Variants in FNDC3A observed in about 807,000 individuals in gnomAD.
FNDC3A encodes fibronectin type III domain containing 3A.
A neutral mutation model predicts 148.9 loss-of-function variants in FNDC3A; 32 were observed. The observed-to-expected ratio is 0.21, with a 90% CI of 0.16 to 0.29. FNDC3A has a LOEUF of 0.29. Among genes scored for constraint, FNDC3A ranks in the 10% least tolerant of loss-of-function variants. The pLI is 1.00. For synonymous variants in FNDC3A, 472 were observed against 473.6 expected (o/e 1.00, Z 0.04); for missense variants, 1,191 against 1,452.8 (o/e 0.82, Z 2.93).
At chr13:49,041,132 G>A (rs1874892545) in intron 2 of FNDC3A, among the ~76,000 whole-genome samples, 1 of 152,182 alleles carries the variant, frequency 6.6e-6, no homozygotes, top group Non-Finnish European at 1.5e-5. Context: ...CTGTGAGTGG[G>A]CGTAGCATTT....
intron 4 of FNDC3A, 69 bp from the exon 5 acceptor site, chr13:49,131,068 C>T: frequency 3.8e-6 from 5 of 1,304,934 alleles, no homozygotes; most frequent in South Asian, 3.7e-5. Flanking sequence ...GCCTACCCTA[C>T]TCTTAACATT....
At chr13:49,007,728 T>A (rs1386858992) in intron 2 of FNDC3A, among the ~76,000 whole-genome samples, 2 of 152,022 alleles carry the variant, frequency 1.3e-5, no homozygotes, top group Non-Finnish European at 2.9e-5. Flanking sequence ...ATGGTGTAGA[T>A]GGCTATAGAG....
At chr13:49,165,984 G>A (rs893080934) in intron 8 of FNDC3A, among the ~76,000 whole-genome samples, 3 of 152,090 alleles carry the variant, frequency 2.0e-5, no homozygotes, top group Admixed American at 6.6e-5. Flanking sequence ...AGGCCTCCCA[G>A]ACAGTGTGCT....
chr13:49,151,656 A>G (rs1883305460), intron 8 of FNDC3A, among the ~76,000 whole-genome samples: 1 of 152,116 alleles, frequency 6.6e-6, no homozygotes, highest in Admixed American at 6.5e-5. Context: ...TACATGTGCC[A>G]TGTTGGTGTG....
chr13:48,984,827 G>T (rs1951758805), intron 1 of FNDC3A, among the ~76,000 whole-genome samples: 1 of 152,080 alleles, frequency 6.6e-6, no homozygotes. Flanking sequence ...TGGGATTACA[G>T]GTGCCCACCA....
intron 3 of FNDC3A, among the ~76,000 whole-genome samples, chr13:49,104,966 C>A (rs989999318): frequency 6.6e-6 from 1 of 152,228 alleles, no homozygotes; most frequent in Non-Finnish European, 1.5e-5. Context: ...CAATTAAGAA[C>A]TTTGGTACAT....
chr13:48,980,796 G>T (rs1332469873), intron 1 of FNDC3A, among the ~76,000 whole-genome samples: 1 of 152,110 alleles, frequency 6.6e-6, no homozygotes, highest in African/African-American at 2.4e-5. Flanking sequence ...ATTTTTTGTG[G>T]CATCAAGAGA....
intron 13 of FNDC3A, among the ~76,000 whole-genome samples, chr13:49,178,082 T>G (rs116328531): frequency 8.5e-4 from 130 of 152,298 alleles, no homozygotes; most frequent in African/African-American, 3.0e-3. Context: ...TTGTCACTAG[T>G]GCTGGAAATA....
At chr13:49,016,501 T>C (rs1391804208) in intron 2 of FNDC3A, among the ~76,000 whole-genome samples, 1 of 152,204 alleles carries the variant, frequency 6.6e-6, no homozygotes, top group African/African-American at 2.4e-5. Context: ...TTTTTTTCTT[T>C]ATTAGTCTTG....
At chr13:48,982,914 T>C (rs1377945975) in intron 1 of FNDC3A, among the ~76,000 whole-genome samples, 1 of 152,188 alleles carries the variant, frequency 6.6e-6, no homozygotes, top group African/African-American at 2.4e-5. Flanking sequence ...TAATATAGAC[T>C]GTACAAGAAT....
chr13:49,075,563 G>A (rs891442770), intron 3 of FNDC3A, among the ~76,000 whole-genome samples, 199 bp downstream of exon 3: 2 of 152,034 alleles, frequency 1.3e-5, no homozygotes, highest in Non-Finnish European at 2.9e-5. Context: ...TGATTATGTT[G>A]ATTATTCTTG....
At chr13:49,170,688 A>G (rs1884709167) in intron 10 of FNDC3A, among the ~76,000 whole-genome samples, 1 of 152,154 alleles carries the variant, frequency 6.6e-6, no homozygotes, top group South Asian at 2.1e-4. Flanking sequence ...TGGTTCTTTG[A>G]AGCCCTCATT....
intron 4 of FNDC3A, among the ~76,000 whole-genome samples, chr13:49,117,551 T>C (rs1227947421): frequency 1.3e-5 from 2 of 152,222 alleles, no homozygotes; most frequent in Non-Finnish European, 2.9e-5. Flanking sequence ...TAGCCCTTCA[T>C]ATCCTTAGGT....
intron 2 of FNDC3A, among the ~76,000 whole-genome samples, chr13:49,012,139 G>A (rs1329604784): frequency 7.3e-5 from 11 of 151,132 alleles, no homozygotes; most frequent in Admixed American, 4.0e-4. Context: ...TTTTTGAGAC[G>A]GAGTCTTGCT....
chr13:49,168,645 C>A lies in FNDC3A; in HGVS notation c.1070C>A (p.Thr357Asn). Residue 357 changes from threonine (T) to asparagine (N), a missense_variant, in exon 10 of 26, where the codon ACT (threonine) becomes AAT (asparagine). By Grantham distance (65) the Thr-to-Asn change is moderately conservative. Around this residue, in one of 3 missense-constraint regions of FNDC3A, gnomAD observed 426 missense variants for 473.2 expected, o/e 0.90. Transcript: ENST00000492622. ...GCAGAATATAATTCTATAAAGGGAA[C>A]TCCTTCAGAGGCTGAAATCTTTACC... ...VQAEYNSIKG[T>N]PSEAEIFTTL... 1 of 1,610,980 alleles carries A rather than the reference C, an allele frequency of 6.2e-7. No individual in the cohort carries two copies. Among genetic ancestry groups the A allele is most frequent in the Non-Finnish European group, 8.5e-7 (1 of 1,177,248 alleles).
intron 8 of FNDC3A, chr13:49,146,593 CA>C (rs1461804855): frequency 1.3e-5 from 2 of 152,088 alleles, no homozygotes; most frequent in Non-Finnish European, 2.9e-5. Context: ...AAAAATTAGC[CA>C]GGGGTGGTGG....
At position 49,187,231 on chromosome 13, in the gene FNDC3A, A is replaced by G. The variant is rs1002204521; in HGVS notation, c.1825+41A>G. 3 of 1,363,180 alleles carry G rather than the reference A, an allele frequency of 2.2e-6. No individual in the cohort carries two copies. In the Admixed American group the frequency reaches 5.4e-5, roughly 24 times the overall value. 84.4% of individuals were successfully genotyped at this position (1,363,180 alleles called of 1,614,324 possible). On this transcript the variant is annotated intron_variant, in intron 16 of 25. Transcript: ENST00000492622. ...AAACACTGATAGATTTATTCCAGCC[A>G]GTCTCTTTCTATTCTTTATGGCTTT... is the stretch of plus-strand genomic sequence containing the variant.
chr13:49,176,973 T>G (rs1242227688), intron 13 of FNDC3A, among the ~76,000 whole-genome samples: 1 of 152,120 alleles, frequency 6.6e-6, no homozygotes, highest in African/African-American at 2.4e-5. Context: ...GCTAATTTTA[T>G]TTTTTGTAGT....
At chr13:49,150,795 A>G (rs1436747269) in intron 8 of FNDC3A, among the ~76,000 whole-genome samples, 1 of 151,952 alleles carries the variant, frequency 6.6e-6, no homozygotes, top group African/African-American at 2.4e-5. Flanking sequence ...AATACAAAAA[A>G]TTAGCGAGGT....
Sources: gnomAD v4.1 joint callset for allele counts (sites outside exome capture counted in the v4.1 genomes callset) on GRCh38, gnomAD v4.1.1 for gene constraint, gnomAD v4.1.1 regional missense constraint, MANE v1.5 for transcripts, NCBI Gene and HGNC (gene_info 2026-07-23, HGNC 2026-07-21) for gene names.